FANCC: variants seen among roughly 807,000 people sequenced by gnomAD.
FANCC encodes FA complementation group C.
A neutral mutation model predicts 71.3 loss-of-function variants in FANCC; 55 were observed. The ratio of observed to expected loss-of-function variants is 0.77; its 90% CI spans 0.62 to 0.97. The LOEUF (loss-of-function observed/expected upper bound fraction) is 0.97. Ranked by LOEUF, FANCC falls within the 50% of genes least tolerant of loss-of-function variation. The pLI is 0.00. For missense variants in FANCC, 678 were observed against 670.9 expected, an observed-to-expected ratio of 1.01 and a Z score of -0.12; for synonymous variants, 275 against 244.9, an observed-to-expected ratio of 1.12 and a Z score of -1.15.
chr9:95,273,026 T>C (rs967273706), intron 1 of FANCC, among the ~76,000 whole-genome samples: 1 of 152,134 alleles, frequency 6.6e-6, no homozygotes, highest in Admixed American at 6.5e-5. Context: ...AGAACCCACA[T>C]CCCCTGGCAC....
chr9:95,122,538 T>C (rs1391525538), intron 10 of FANCC, among the ~76,000 whole-genome samples: 2 of 152,276 alleles, frequency 1.3e-5, no homozygotes, highest in South Asian at 2.1e-4. Context: ...CTGTTTGTTT[T>C]TGGATCCCTG....
At chr9:95,117,723 A>ATTTTTTTTTTTTTTTTTTTTT in intron 10 of FANCC, among the ~76,000 whole-genome samples, 1 of 136,822 alleles carries the variant, frequency 7.3e-6, no homozygotes, top group Non-Finnish European at 1.6e-5. Flanking sequence ...GTATTTCAGC[A>ATTTTTTTTTTTTTTTTTTTTT]TTTTTTTTTT....
chr9:95,275,382 T>C (rs1363963716), intron 1 of FANCC, among the ~76,000 whole-genome samples: 1 of 152,132 alleles, frequency 6.6e-6, no homozygotes, highest in East Asian at 1.9e-4. Flanking sequence ...GGAGGATTTG[T>C]AGGGCCATAA....
rs576605250 is a variant in FANCC at position 95,244,678 on chromosome 9, CAAAAAAAAAAAAAAAAAAA to C, written c.250+2735_250+2753del. On this transcript the variant is annotated intron_variant, in intron 3 of 14. Coordinates refer to ENST00000289081, the MANE Select transcript of FANCC (RefSeq NM_000136.3). ...TAGGCAACAGAGCAAGACTTTGTCT[CAAAAAAAAAAAAAAAAAAA>C]AAAAAAAAAAAAAAAACCCAACACT... is the stretch of plus-strand genomic sequence containing the variant. 2.6e-4 allele frequency among the ~76,000 whole-genome samples: 11 copies of C among 41,572 alleles called. 1 individual carries two copies. The South Asian group carries it at 5.6e-3, about 21-fold the overall frequency. 27.3% of individuals were successfully genotyped at this position (41,572 alleles called of 152,430 possible).
chr9:95,102,783 G>A (rs765234872), intron 14 of FANCC, among the ~76,000 whole-genome samples: 1 of 152,222 alleles, frequency 6.6e-6, no homozygotes, highest in African/African-American at 2.4e-5. Context: ...GGAGCCTCTT[G>A]TCGCATGCGC....
intron 4 of FANCC, among the ~76,000 whole-genome samples, chr9:95,178,737 G>A (rs1323077363): frequency 6.6e-6 from 1 of 152,226 alleles, no homozygotes; most frequent in Non-Finnish European, 1.5e-5. Context: ...ATACAAGTAT[G>A]TATGTTTAAG....
chr9:95,306,802 G>A (rs1274476552), intron 1 of FANCC, among the ~76,000 whole-genome samples: 1 of 152,046 alleles, frequency 6.6e-6, no homozygotes, highest in Non-Finnish European at 1.5e-5. Flanking sequence ...AATCTCTTGG[G>A]AATTCCTTAA....
chr9:95,125,120 C>T lies in FANCC; in HGVS notation c.962G>A (p.Cys321Tyr). 6.2e-7 allele frequency: 1 copy of T among 1,614,208 alleles called. No homozygotes were observed. Among genetic ancestry groups the T allele is most frequent in the Non-Finnish European group, 8.5e-7 (1 of 1,180,034 alleles). Residue 321 changes from cysteine (C) to tyrosine (Y), a missense_variant, in exon 10 of 15, where the codon TGC becomes TAC. By Grantham distance (194) the Cys-to-Tyr change is radical. Transcript: ENST00000289081. ...TGCTTTCTCCAGAGCTTCTACAAAG[C>T]ACTGCGTAAACACCTGAATAGTGGC... The part of the protein sequence containing the change: ...IIATIQVFTQ[C>Y]FVEALEKASK...
In FANCC at chr9:95,265,435, C is replaced by T. The variant is rs183632895; in HGVS notation, c.-78-16066G>A. ...AAATAAAAGCATCCCTTCACCACAGCGCTTGCCATCGAGGCTGCTAAGACA... is the reference window on the plus strand; with the variant it reads ...AAATAAAAGCATCCCTTCACCACAGTGCTTGCCATCGAGGCTGCTAAGACA... On this transcript the variant is annotated intron_variant, in intron 1 of 14. Transcript: ENST00000289081. 9.8e-5 allele frequency among the ~76,000 whole-genome samples: 15 copies of T among 152,290 alleles called. No individual in the cohort carries two copies. In the East Asian group the frequency reaches 2.1e-3, roughly 22 times the overall value.
At chr9:95,165,725 T>C (rs376632207) in intron 6 of FANCC, among the ~76,000 whole-genome samples, 164 of 152,226 alleles carry the variant, frequency 1.1e-3, no homozygotes, top group African/African-American at 3.8e-3. Context: ...GAATGTTCTA[T>C]ATGTGCTTGA....
chr9:95,295,265 G>A (rs1254542461), intron 1 of FANCC, among the ~76,000 whole-genome samples: 2 of 152,096 alleles, frequency 1.3e-5, no homozygotes, highest in African/African-American at 4.8e-5. Context: ...CAGAATGGGA[G>A]AAAATATTTG....
At chr9:95,124,209 TCTC>T (rs544870321) in intron 10 of FANCC, among the ~76,000 whole-genome samples, 1 of 151,362 alleles carries the variant, frequency 6.6e-6, no homozygotes, top group South Asian at 2.1e-4. Context: ...GCATTGTAGT[TCTC>T]CTCTCGGAAG....
At chr9:95,274,148 AT>A (rs1832903038) in intron 1 of FANCC, among the ~76,000 whole-genome samples, 1 of 151,958 alleles carries the variant, frequency 6.6e-6, no homozygotes, top group Non-Finnish European at 1.5e-5. Flanking sequence ...TACGTTAGGT[AT>A]TTCTTCTAAT....
chr9:95,294,094 C>A, intron 1 of FANCC: 1 of 1,610,762 alleles, frequency 6.2e-7, no homozygotes, highest in South Asian at 1.1e-5. Flanking sequence ...TAATCAGACC[C>A]AAACCATAGA....
At chr9:95,246,353 G>C (rs1170705863) in intron 3 of FANCC, among the ~76,000 whole-genome samples, 1 of 152,194 alleles carries the variant, frequency 6.6e-6, no homozygotes, top group African/African-American at 2.4e-5. Flanking sequence ...TCCCTTTCCT[G>C]CCTAGTTCAC....
At chr9:95,217,824 T>C (rs1330727068) in intron 4 of FANCC, among the ~76,000 whole-genome samples, 1 of 152,080 alleles carries the variant, frequency 6.6e-6, no homozygotes, top group East Asian at 1.9e-4. Context: ...AACCTGGCTA[T>C]TTAAAAAAAT....
intron 1 of FANCC, among the ~76,000 whole-genome samples, chr9:95,259,109 T>G (rs543809365): frequency 6.6e-6 from 1 of 152,324 alleles, no homozygotes; most frequent in African/African-American, 2.4e-5. Flanking sequence ...AAAATGGTCA[T>G]ACTGCCCAAA....
Position 95,254,109 on chromosome 9 carries a change from T to G in FANCC, c.-78-4740A>C, listed in dbSNP as rs1051790720. Among the ~76,000 whole-genome samples, 148 of 152,268 alleles carry G rather than the reference T, an allele frequency of 9.7e-4. 2 individuals carry two copies. The highest frequency in any genetic ancestry group is 3.5e-3 in the African/African-American group (145 of 41,566). On this transcript the variant is annotated intron_variant, in intron 1 of 14. Transcript: ENST00000289081. ...TTTAGAGGAAAGGAAGATGTGCTAT[T>G]GGGAAGGTGTGCAAGAATGGCACCA...
chr9:95,110,527 G>T, intron 13 of FANCC: 1 of 1,030,672 alleles, frequency 9.7e-7, no homozygotes, highest in Non-Finnish European at 1.2e-6. Context: ...TTTTCACAAA[G>T]CTTTATTTCT....
Sources: allele counts gnomAD v4.1 joint callset (sites outside exome capture counted in the v4.1 genomes callset), GRCh38; gene constraint gnomAD v4.1.1; transcripts MANE v1.5; gene names NCBI Gene and HGNC (gene_info 2026-07-23, HGNC 2026-07-21).